KCNT2: variants seen among roughly 807,000 people sequenced by gnomAD.
The protein encoded by KCNT2 is potassium channel subfamily T member 2.
A neutral mutation model predicts 153.8 loss-of-function variants in KCNT2; 67 were observed. The observed-to-expected ratio is 0.44, with a 90% CI of 0.36 to 0.53. The LOEUF (loss-of-function observed/expected upper bound fraction) is 0.53, where lower values mean the gene tolerates loss of function less well. Among genes scored for constraint, KCNT2 ranks in the 20% least tolerant of loss-of-function variants. The pLI is 0.00. For missense variants in KCNT2, 975 were observed against 1,354.8 expected (o/e 0.72, Z 4.40); for synonymous variants, 500 against 458.8 (o/e 1.09, Z -1.15).
chr1:196,486,317 TTAAA>T (rs1251872890), intron 3 of KCNT2, among the ~76,000 whole-genome samples: 3 of 151,858 alleles, frequency 2.0e-5, no homozygotes, highest in African/African-American at 7.2e-5. Flanking sequence ...ATATAAAAAA[TTAAA>T]TAAAAAAATG....
rs1664777228 is a variant in KCNT2, at chr1:196,334,283, T to C, written c.1784-223A>G. 3.9e-5 allele frequency among the ~76,000 whole-genome samples: 6 copies of C among 152,092 alleles called. No individual in the cohort carries two copies. The South Asian group carries it at 1.2e-3, about 32-fold the overall frequency. Reference sequence around the variant, plus strand: ...AAATCTCTATTTGCACAAAAGTGTATTTGCAGAGTGTTGTTCTATGGCACA... The same window carrying C: ...AAATCTCTATTTGCACAAAAGTGTACTTGCAGAGTGTTGTTCTATGGCACA... On this transcript the variant is annotated intron_variant, in intron 16 of 27. Coordinates refer to ENST00000294725, the MANE Select transcript of KCNT2 (RefSeq NM_198503.5).
chr1:196,579,909 G>T (rs996678616), intron 1 of KCNT2, among the ~76,000 whole-genome samples: 1 of 152,124 alleles, frequency 6.6e-6, no homozygotes, highest in Non-Finnish European at 1.5e-5. Flanking sequence ...AGTCTCATTC[G>T]AATGTTCATG....
At chr1:196,549,544 C>A (rs1220423486) in intron 1 of KCNT2, among the ~76,000 whole-genome samples, 1 of 151,756 alleles carries the variant, frequency 6.6e-6, no homozygotes, top group Non-Finnish European at 1.5e-5. Flanking sequence ...TAAGTTAAAT[C>A]CTTCCAAAAT....
At chr1:196,331,859 A>G (rs1664499012) in intron 17 of KCNT2, among the ~76,000 whole-genome samples, 1 of 152,102 alleles carries the variant, frequency 6.6e-6, no homozygotes, top group South Asian at 2.1e-4. Flanking sequence ...TAACTGAGCT[A>G]ATTGGTTAAA....
chr1:196,522,250 T>C (rs1376593320), intron 1 of KCNT2, among the ~76,000 whole-genome samples: 1 of 152,206 alleles, frequency 6.6e-6, no homozygotes, highest in East Asian at 1.9e-4. Context: ...AAATTAAAGA[T>C]TAATTGAGAT....
intron 1 of KCNT2, among the ~76,000 whole-genome samples, chr1:196,520,074 C>A (rs534376256): frequency 6.6e-6 from 1 of 152,098 alleles, no homozygotes; most frequent in African/African-American, 2.4e-5. Context: ...ACTGGCAAAC[C>A]AAATCCAGCA....
At chr1:196,465,173 G>C (rs944949214) in intron 8 of KCNT2, 120 bp downstream of exon 8, 11 of 597,342 alleles carry the variant, frequency 1.8e-5, no homozygotes, top group Non-Finnish European at 2.7e-5. Flanking sequence ...TACATTTTTT[G>C]GTGAATATTT....
At chr1:196,356,992 AATT>A (rs1356696338) in intron 14 of KCNT2, among the ~76,000 whole-genome samples, 3 of 151,882 alleles carry the variant, frequency 2.0e-5, no homozygotes, top group Non-Finnish European at 4.4e-5. Context: ...CCATACTTAA[AATT>A]ATGTTTCACT....
chr1:196,608,096 G>GC, intron 1 of KCNT2, 119 bp downstream of exon 1: 1 of 844,650 alleles, frequency 1.2e-6, no homozygotes, highest in Non-Finnish European at 2.1e-6. Context: ...CCCTCCCCCA[G>GC]CCTAGTCTCC....
chr1:196,373,894 C>T (rs943320580), intron 13 of KCNT2, among the ~76,000 whole-genome samples: 1 of 151,618 alleles, frequency 6.6e-6, no homozygotes, highest in Non-Finnish European at 1.5e-5. Context: ...AACCAGAAAA[C>T]ATAATAAATG....
At chr1:196,448,185 A>G (rs1675858198) in intron 8 of KCNT2, among the ~76,000 whole-genome samples, 1 of 151,604 alleles carries the variant, frequency 6.6e-6, no homozygotes, top group Admixed American at 6.6e-5. Context: ...CAACTTACTT[A>G]AAAACTCACT....
At chr1:196,345,074 G>A (rs1043064438) in intron 14 of KCNT2, among the ~76,000 whole-genome samples, 5 of 152,196 alleles carry the variant, frequency 3.3e-5, no homozygotes, top group Non-Finnish European at 2.9e-5. Flanking sequence ...TATTTATTGA[G>A]CACCTGTGAA....
At chr1:196,407,922 C>G (rs1464058254) in intron 12 of KCNT2, among the ~76,000 whole-genome samples, 1 of 151,382 alleles carries the variant, frequency 6.6e-6, no homozygotes, top group Non-Finnish European at 1.5e-5. Context: ...AGTTTCTCCC[C>G]TCAGTGTGAA....
intron 1 of KCNT2, among the ~76,000 whole-genome samples, chr1:196,561,266 T>G (rs1416968): frequency 6.6e-6 from 1 of 151,528 alleles, no homozygotes; most frequent in Non-Finnish European, 1.5e-5. Flanking sequence ...AGAGAAAAAA[T>G]GGTCAAAGTT....
chr1:196,522,822 T>C (rs1572715951), intron 1 of KCNT2, among the ~76,000 whole-genome samples: 1 of 152,056 alleles, frequency 6.6e-6, no homozygotes, highest in Non-Finnish European at 1.5e-5. Context: ...AGGTAAAGGA[T>C]TGTAAATGCA....
At chr1:196,395,697 C>T (rs78793489) in intron 13 of KCNT2, among the ~76,000 whole-genome samples, 4,402 of 151,646 alleles carry the variant, frequency 0.029, 202 homozygotes, top group African/African-American at 0.098. Context: ...TGTCTCACTC[C>T]AGAATTCGCA....
chr1:196,339,615 G>A (rs1665413297), intron 16 of KCNT2, among the ~76,000 whole-genome samples: 2 of 151,806 alleles, frequency 1.3e-5, no homozygotes, highest in African/African-American at 2.4e-5. Context: ...GTTAGGTAAT[G>A]AGGAGGGATT....
At chr1:196,348,777 A>T (rs912777931) in intron 14 of KCNT2, among the ~76,000 whole-genome samples, 43 of 152,142 alleles carry the variant, frequency 2.8e-4, no homozygotes, top group African/African-American at 1.0e-3. Context: ...TGTAATCCCA[A>T]CACTTTGGGA....
chr1:196,574,708 T>A (rs562539483), intron 1 of KCNT2, among the ~76,000 whole-genome samples: 2 of 152,140 alleles, frequency 1.3e-5, no homozygotes, highest in East Asian at 3.9e-4. Context: ...TGTTTAAAAT[T>A]GTTGAGAATC....
Sources: allele counts gnomAD v4.1 joint callset (sites outside exome capture counted in the v4.1 genomes callset), GRCh38; gene constraint gnomAD v4.1.1; transcripts MANE v1.5; gene names NCBI Gene and HGNC (gene_info 2026-07-23, HGNC 2026-07-21).